Variants in DCST2 observed in about 807,000 individuals in gnomAD.
DCST2 encodes DC-STAMP domain-containing protein 2.
In DCST2, 64 loss-of-function variants were observed where a neutral mutation model predicts 81.8. The ratio of observed to expected loss-of-function variants is 0.78; its 90% CI spans 0.64 to 0.96. DCST2 has a LOEUF of 0.96. Among genes scored for constraint, DCST2 ranks in the 40% least tolerant of loss-of-function variants. The probability of loss-of-function intolerance (pLI) is 0.00; values close to 1 mark genes in which losing one functional copy is unlikely to be tolerated. For missense variants in DCST2, 945 were observed against 1,001.4 expected, an observed-to-expected ratio of 0.94 and a Z score of 0.76; for synonymous variants, 354 against 402.6, an observed-to-expected ratio of 0.88 and a Z score of 1.44.
chr1:155,018,903 T>G (rs1182628674), intron 14 of DCST2, 143 bp from the exon 15 acceptor site: 2 of 795,892 alleles, frequency 2.5e-6, no homozygotes, highest in African/African-American at 3.5e-5. Flanking sequence ...CCACGAGGCG[T>G]ACCAGCCCAT....
At chr1:155,030,294 C>T in intron 6 of DCST2, 53 bp from the exon 7 acceptor site, 1 of 1,609,398 alleles carries the variant, frequency 6.2e-7, no homozygotes, top group South Asian at 1.1e-5. Flanking sequence ...CCAGGCCAGA[C>T]CCCACAGGGC....
intron 14 of DCST2, among the ~76,000 whole-genome samples, chr1:155,019,277 G>GT (rs893101891): frequency 1.3e-5 from 2 of 152,180 alleles, no homozygotes; most frequent in Non-Finnish European, 2.9e-5. Flanking sequence ...CATGATAGCT[G>GT]TACCACCAGT....
chr1:155,029,359 T>C lies in DCST2; in HGVS notation c.1216A>G (p.Ile406Val), dbSNP rs370384521. The C allele has an allele frequency of 1.9e-6, 3 of 1,613,802 alleles. No individual in the cohort carries two copies. In the African/African-American group the frequency reaches 4.0e-5, roughly 22 times the overall value. Reference protein sequence around the residue: ...FLSQWEKFFYILETFNLIRHL... With the variant: ...FLSQWEKFFYVLETFNLIRHL... ...CGGATAAGGTTGAAGGTCTCCAGAA[T>C]GTAAAAAAACTTCTCCCATTGGGAC... The change falls in exon 8 of 15, where the codon ATT (isoleucine) becomes GTT (valine). Residue 406 changes from isoleucine to valine, a missense_variant. Physicochemically the swap from Ile to Val is conservative, Grantham distance 29. Coordinates refer to ENST00000368424, the MANE Select transcript of DCST2 (RefSeq NM_144622.3).
chr1:155,024,502 T>C lies in DCST2; in HGVS notation c.1712A>G (p.His571Arg). Residue 571 changes from histidine (H) to arginine (R), a missense_variant, in exon 11 of 15, where the codon CAC becomes CGC. Physicochemically the swap from His to Arg is conservative, Grantham distance 29. Transcript: ENST00000368424. Reference protein sequence around the residue: ...SVRRRAADQGHRSAFLVLASR... With the variant: ...SVRRRAADQGRRSAFLVLASR... ...GGCCAGCACTAGGAAGGCACTTCTG[T>C]GGCCCTGGTCAGCCGCCCGCCGCCT... 1 of 1,607,592 alleles carries C rather than the reference T, an allele frequency of 6.2e-7. No individual in the cohort carries two copies.
chr1:155,021,218 C>T (rs905873557), intron 14 of DCST2, among the ~76,000 whole-genome samples: 6 of 151,796 alleles, frequency 4.0e-5, no homozygotes, highest in African/African-American at 1.5e-4. Context: ...CCAGGCTGGT[C>T]TCGAACTCCT....
In DCST2 at chr1:155,023,235, G is replaced by A; in HGVS notation, c.1987C>T (p.Pro663Ser). The stretch of plus-strand genomic sequence containing the variant: ...TGAGCTGCAGCCAGCCATAGCTGAG[G>A]GCCCTCCTCATCGCTGGAGTCCCTG... ...LELDSSDEEGPQLWLAAAQRK... is the reference protein window; with the variant it reads ...LELDSSDEEGSQLWLAAAQRK... Residue 663 changes from proline (P) to serine (S), a missense_variant, in exon 14 of 15, where the codon CCT (proline) becomes TCT (serine). By Grantham distance (74) the Pro-to-Ser change is moderately conservative. Transcript: ENST00000368424. 6.2e-7 allele frequency: 1 copy of A among 1,614,118 alleles called. No homozygotes were observed. Among genetic ancestry groups the A allele is most frequent in the Non-Finnish European group, 8.5e-7 (1 of 1,180,020 alleles).
In DCST2 at chr1:155,018,589, G is replaced by C. The variant is rs1252296311; in HGVS notation, c.2277C>G (p.Leu759=). 3.1e-6 allele frequency: 5 copies of C among 1,613,832 alleles called. No homozygotes were observed. The highest frequency in any genetic ancestry group is 2.5e-6 in the Non-Finnish European group (3 of 1,179,842). ...PTPASEPSVP[L]SPPSLPDPSH... ...AAGGATCAGGAAGAGAGGGAGGTGA[G>C]AGAGGGACTGAGGGTTCTGAAGCTG... The change falls in exon 15 of 15, where the codon CTC becomes CTG. Residue 759 remains leucine (L), a synonymous_variant. Transcript: ENST00000368424.
At chr1:155,021,118 G>T (rs2102332849) in intron 14 of DCST2, among the ~76,000 whole-genome samples, 1 of 152,086 alleles carries the variant, frequency 6.6e-6, no homozygotes, top group African/African-American at 2.4e-5. Flanking sequence ...TCCTGCCTTA[G>T]CCTCCTGAGT....
intron 11 of DCST2, among the ~76,000 whole-genome samples, 154 bp downstream of exon 11, chr1:155,024,318 A>G (rs1659838590): frequency 6.6e-6 from 1 of 152,258 alleles, no homozygotes. Flanking sequence ...ATTAAAAAAA[A>G]GAATTCCCAC....
rs780410553 is a variant in DCST2 at position 155,023,932 on chromosome 1, G to T, written c.1770C>A (p.Ser590Arg). 2 of 1,613,464 alleles carry T rather than the reference G, an allele frequency of 1.2e-6. No individual in the cohort carries two copies. Among genetic ancestry groups the T allele is most frequent in the Non-Finnish European group, 1.7e-6 (2 of 1,179,892 alleles). The change falls in exon 12 of 15, where the codon AGC (serine) becomes AGA (arginine). Residue 590 changes from serine to arginine, a missense_variant. Coordinates refer to ENST00000368424, the MANE Select transcript of DCST2 (RefSeq NM_144622.3). ...AGTAGGCCTGATGCAGCCAAAAGTG[G>T]CTGACAAATGGACCTAGGCAGGGGC... ...SRCPCLGPFVSHFWLHQAYCL... is the reference protein window; with the variant it reads ...SRCPCLGPFVRHFWLHQAYCL...
chr1:155,028,497 T>C (rs988397315), intron 8 of DCST2, among the ~76,000 whole-genome samples: 1 of 151,240 alleles, frequency 6.6e-6, no homozygotes, highest in African/African-American at 2.4e-5. Context: ...GACAGGAGAA[T>C]TGCTTGAACC....
intron 3 of DCST2, among the ~76,000 whole-genome samples, chr1:155,032,280 C>T (rs1197869682): frequency 6.6e-6 from 1 of 151,804 alleles, no homozygotes; most frequent in Admixed American, 6.6e-5. Flanking sequence ...GTGTGAGCCA[C>T]CGCACCTGGC....
chr1:155,020,448 C>A (rs576642479), intron 14 of DCST2, among the ~76,000 whole-genome samples: 2 of 152,312 alleles, frequency 1.3e-5, no homozygotes, highest in South Asian at 4.1e-4. Context: ...CGGCTCACTG[C>A]AACTTCCGCC....
At chr1:155,026,876 G>T (rs79360486) in intron 8 of DCST2, 161 bp from the exon 9 acceptor site, 1 of 802,202 alleles carries the variant, frequency 1.2e-6, no homozygotes, top group Non-Finnish European at 2.0e-6. Context: ...GTGCCCTGGG[G>T]CCTGACCTCA....
chr1:155,029,294 A>G lies in DCST2; in HGVS notation c.1281T>C (p.Tyr427=). 1 of 1,614,146 alleles carries G rather than the reference A, an allele frequency of 6.2e-7. No individual in the cohort carries two copies. The highest frequency in any genetic ancestry group is 8.5e-7 in the Non-Finnish European group (1 of 1,180,006). The change falls in exon 8 of 15, where the codon TAT becomes TAC. Residue 427 remains tyrosine (Y), a synonymous_variant. Transcript: ENST00000368424. ...LLVLFLVFLD[Y]AVFWVLDLAR... is the part of the protein sequence containing the mutation. ...CCAGGTCAAGCACCCAGAAGACAGC[A>G]TAGTCTAGGAAGACTAGGAACAGCA... is the stretch of plus-strand genomic sequence containing the variant.
At chr1:155,024,369 A>G (rs1050708868) in intron 11 of DCST2, 103 bp downstream of exon 11, 1 of 1,442,946 alleles carries the variant, frequency 6.9e-7, no homozygotes, top group African/African-American at 1.4e-5. Context: ...ATTCTCTTCA[A>G]CCAAATCTCT....
intron 4 of DCST2, 59 bp downstream of exon 4, chr1:155,031,515 T>TTGGCC: frequency 3.1e-6 from 2 of 643,126 alleles, no homozygotes; most frequent in Non-Finnish European, 5.8e-6. Flanking sequence ...ACCCCCACAT[T>TTGGCC]CCCACCCCAC....
chr1:155,018,725 T>G lies in DCST2; in HGVS notation c.2141A>C (p.Lys714Thr), dbSNP rs373443674. The change falls in exon 15 of 15, where the codon AAG (lysine) becomes ACG (threonine). Residue 714 changes from lysine to threonine, a missense_variant. Transcript: ENST00000368424. ...TTCAGGTAAGGGCTGCTGCCCGTGC[T>G]TCCTCTGCTGAGGCCCCTTCTCCTC... is the stretch of plus-strand genomic sequence containing the variant. ...LDEEKGPQQR[K>T]HGQQPLPEAH... The G allele has an allele frequency of 2.5e-6, 4 of 1,613,712 alleles. No individual in the cohort carries two copies. The South Asian group carries it at 4.4e-5, about 18-fold the overall frequency.
intron 5 of DCST2, 94 bp downstream of exon 5, chr1:155,031,075 G>C: frequency 7.6e-7 from 1 of 1,313,578 alleles, no homozygotes; most frequent in Non-Finnish European, 1.1e-6. Context: ...TCTCCTTTAT[G>C]GGCTGGGAGC....
Sources: gnomAD v4.1 joint callset for allele counts (sites outside exome capture counted in the v4.1 genomes callset) on GRCh38, gnomAD v4.1.1 for gene constraint, MANE v1.5 for transcripts, NCBI Gene and HGNC (gene_info 2026-07-23, HGNC 2026-07-21) for gene names.